The following NAV2 variants were observed in gnomAD, a reference collection of about 807,000 sequenced individuals.
NAV2 encodes helicase, APC down-regulated 1.
NAV2 carries 54 observed loss-of-function variants against 223.2 expected under a neutral mutation model. The observed-to-expected ratio is 0.24, with a 90% CI of 0.19 to 0.30. The LOEUF (loss-of-function observed/expected upper bound fraction) is 0.30, where lower values mean the gene tolerates loss of function less well. Among genes scored for constraint, NAV2 ranks in the 10% least tolerant of loss-of-function variants. The pLI, the probability that NAV2 is intolerant of heterozygous loss-of-function variation, is 1.00. For missense variants in NAV2, 2,806 were observed against 3,147.5 expected (o/e 0.89, Z 2.60); for synonymous variants, 1,279 against 1,239.3 (o/e 1.03, Z -0.67).
chr11:19,802,937 C>T (rs1416362116), intron 1 of NAV2, among the ~76,000 whole-genome samples: 1 of 152,176 alleles, frequency 6.6e-6, no homozygotes, highest in Non-Finnish European at 1.5e-5. Flanking sequence ...GCTGCTTCCT[C>T]TCTGTTATAA....
intron 6 of NAV2, among the ~76,000 whole-genome samples, chr11:19,925,081 A>C (rs78002399): frequency 6.6e-6 from 1 of 152,312 alleles, no homozygotes; most frequent in South Asian, 2.1e-4. Context: ...GGCCATTTGC[A>C]TATCTTCTTT....
intron 2 of NAV2, among the ~76,000 whole-genome samples, chr11:19,841,392 T>C (rs1180404669): frequency 6.6e-6 from 1 of 152,202 alleles, no homozygotes; most frequent in African/African-American, 2.4e-5. Context: ...TTGATTCTAT[T>C]ATCTTTTTCA....
intron 7 of NAV2, among the ~76,000 whole-genome samples, chr11:19,938,283 A>C (rs2046091671): frequency 6.6e-6 from 1 of 152,158 alleles, no homozygotes; most frequent in South Asian, 2.1e-4. Flanking sequence ...TCGTGTGGGG[A>C]GTAGACCAAA....
chr11:19,693,200 C>T (rs561436798), intron 1 of NAV2, among the ~76,000 whole-genome samples: 6 of 152,348 alleles, frequency 3.9e-5, no homozygotes, highest in Admixed American at 1.3e-4. Context: ...GGTGCCTCTG[C>T]GTGTGACTCT....
rs77350790 is a variant in NAV2 at position 19,535,520 on chromosome 11, T to C, written c.75+184493T>C. Among the ~76,000 whole-genome samples, 1,072 of 152,358 alleles carry C rather than the reference T, an allele frequency of 7.0e-3. 19 individuals carry two copies. The highest frequency in any genetic ancestry group is 0.025 in the African/African-American group (1,039 of 41,584). On this transcript the variant is annotated intron_variant, in intron 1 of 37. Coordinates refer to the NAV2 transcript ENST00000360655. Reference sequence around the variant, plus strand: ...GTGGCTTGCCATTTGTACCGGGTGATATACTTTTAATTAAAATGGTAATTA... The same window carrying C: ...GTGGCTTGCCATTTGTACCGGGTGACATACTTTTAATTAAAATGGTAATTA...
At chr11:19,362,950 G>C (rs1005244792) in intron 1 of NAV2, among the ~76,000 whole-genome samples, 5 of 152,148 alleles carry the variant, frequency 3.3e-5, no homozygotes, top group African/African-American at 1.2e-4. Context: ...ATCAGACACT[G>C]TTCTATTGTC....
At chr11:19,458,528 G>T (rs1366863465) in intron 1 of NAV2, among the ~76,000 whole-genome samples, 1 of 152,208 alleles carries the variant, frequency 6.6e-6, no homozygotes, top group East Asian at 1.9e-4. Context: ...CTAAGATTTA[G>T]ATTGTACCTA....
intron 1 of NAV2, among the ~76,000 whole-genome samples, chr11:19,707,756 G>A (rs755079039): frequency 2.6e-5 from 4 of 152,142 alleles, no homozygotes; most frequent in Non-Finnish European, 4.4e-5. Flanking sequence ...ATGGTTGTGT[G>A]CGCTATACTT....
At chr11:19,616,087 C>G (rs941881314) in intron 1 of NAV2, among the ~76,000 whole-genome samples, 9 of 152,100 alleles carry the variant, frequency 5.9e-5, no homozygotes, top group Non-Finnish European at 1.0e-4. Context: ...TTACAAGCAG[C>G]ACACAGTGGA....
intron 6 of NAV2, among the ~76,000 whole-genome samples, chr11:19,893,406 G>T (rs1305231068): frequency 6.6e-6 from 1 of 152,088 alleles, no homozygotes; most frequent in Non-Finnish European, 1.5e-5. Flanking sequence ...TTCCTACCTG[G>T]TGGTGTAGAA....
chr11:19,366,837 C>G (rs1324845678), intron 1 of NAV2, among the ~76,000 whole-genome samples: 2 of 152,108 alleles, frequency 1.3e-5, no homozygotes, highest in African/African-American at 4.8e-5. Context: ...ACTTGCTGTC[C>G]CTTCCCCGTC....
chr11:19,540,858 C>G (rs886994348), intron 1 of NAV2, among the ~76,000 whole-genome samples: 2 of 152,084 alleles, frequency 1.3e-5, no homozygotes, highest in Admixed American at 6.5e-5. Context: ...TGCCTCTGCA[C>G]TCCAGCCAGG....
intron 7 of NAV2, among the ~76,000 whole-genome samples, chr11:19,935,110 G>A (rs1445464364): frequency 6.6e-6 from 1 of 152,190 alleles, no homozygotes; most frequent in Non-Finnish European, 1.5e-5. Flanking sequence ...TCCACTCCAG[G>A]CAGATGGAAG....
intron 11 of NAV2, among the ~76,000 whole-genome samples, chr11:20,016,748 C>T (rs1390549778): frequency 2.0e-5 from 3 of 152,082 alleles, no homozygotes; most frequent in Admixed American, 2.0e-4. Flanking sequence ...GTAATTCCAG[C>T]ACCTTGGGAG....
intron 1 of NAV2, among the ~76,000 whole-genome samples, chr11:19,736,131 G>T (rs537748501): frequency 6.6e-6 from 1 of 152,224 alleles, no homozygotes; most frequent in East Asian, 1.9e-4. Context: ...GTATGCAGCA[G>T]TGACCCTATA....
chr11:20,107,616 T>C (rs1395805807), intron 35 of NAV2, 48 bp from the exon 36 acceptor site: 2 of 1,436,118 alleles, frequency 1.4e-6, no homozygotes, highest in East Asian at 2.3e-5. Flanking sequence ...TGATGCCCCA[T>C]CACCCATGCC....
chr11:20,117,572 G>T (rs985760630), intron 37 of NAV2, among the ~76,000 whole-genome samples: 3 of 152,098 alleles, frequency 2.0e-5, no homozygotes, highest in African/African-American at 7.2e-5. Flanking sequence ...CCCTGCCAAG[G>T]CTTCCACAGG....
chr11:20,007,967 T>C (rs769706814), intron 11 of NAV2, among the ~76,000 whole-genome samples: 3 of 152,278 alleles, frequency 2.0e-5, no homozygotes, highest in Non-Finnish European at 4.4e-5. Flanking sequence ...GTTATCATAC[T>C]TTACCCCTTG....
In NAV2 at chr11:19,381,932, A is replaced by G. The variant is rs539498725; in HGVS notation, c.75+30905A>G. ...GTGAAGCCACCAGACAGGACCTGGG[A>G]AAATCAAAGCAGCTCTGGGCAGTGT... On this transcript the variant is annotated intron_variant, in intron 1 of 37. Transcript: ENST00000360655. 1.7e-4 allele frequency among the ~76,000 whole-genome samples: 26 copies of G among 152,232 alleles called. No individual in the cohort carries two copies. In the East Asian group the frequency reaches 5.0e-3, roughly 29 times the overall value.
Sources: allele counts gnomAD v4.1 joint callset (sites outside exome capture counted in the v4.1 genomes callset), GRCh38; gene constraint gnomAD v4.1.1; transcripts MANE v1.5; gene names NCBI Gene and HGNC (gene_info 2026-07-23, HGNC 2026-07-21).